The following SSC5D variants were observed in gnomAD, a reference collection of about 807,000 sequenced individuals.
SSC5D encodes scavenger receptor cysteine rich family member with 5 domains.
SSC5D carries 106 observed loss-of-function variants against 104.6 expected under a neutral mutation model. That is an observed-to-expected ratio of 1.01 (90% CI 0.87 to 1.19). The LOEUF is 1.19. Ranked by LOEUF, SSC5D falls within the 50% of genes most tolerant of loss-of-function variation. SSC5D has a pLI of 0.00. For missense variants in SSC5D, 1,993 were observed against 2,153.8 expected, an observed-to-expected ratio of 0.93 and a Z score of 1.48; for synonymous variants, 860 against 883.5, an observed-to-expected ratio of 0.97 and a Z score of 0.47.
intron 6 of SSC5D, 161 bp downstream of exon 6, chr19:55,491,241 C>A: frequency 1.3e-6 from 1 of 770,334 alleles, no homozygotes; most frequent in South Asian, 1.9e-5. Flanking sequence ...GCCCCTCCTT[C>A]CACAGCTCCT....
At chr19:55,510,130 T>A (rs1438340806) in intron 12 of SSC5D, among the ~76,000 whole-genome samples, 1 of 152,024 alleles carries the variant, frequency 6.6e-6, no homozygotes, top group Non-Finnish European at 1.5e-5. Flanking sequence ...CCCAGTTAAC[T>A]GGGACTACTG....
At position 55,493,896 on chromosome 19, in the gene SSC5D, C is replaced by T. The variant is rs549195112; in HGVS notation, c.1197C>T (p.Ala399=). 4.1e-6 allele frequency: 6 copies of T among 1,462,998 alleles called. No homozygotes were observed. Among genetic ancestry groups the T allele is most frequent in the African/African-American group, 1.5e-5 (1 of 68,792 alleles). The allele number at this position is 1,462,998 out of a possible 1,614,324, so 90.6% of individuals were successfully genotyped here. Residue 399 remains alanine, a synonymous_variant, in exon 7 of 14, where the codon GCC becomes GCT. Transcript: ENST00000389623. ...GQHDCHHRED[A]GAVCDGMPLG... ...ATGACTGTCACCACCGCGAGGACGC[C>T]GGGGCCGTGTGTGACGGTGAGGGGG...
rs901798974 is a variant in SSC5D, at chr19:55,489,887, C to T, written c.367C>T (p.Arg123Cys). ...TCCCTGCCCCCCCGCCGCAGGTCAG[C>T]GTGTGGCTAACTCCAGGGACGACTC... Reference protein sequence around the residue: ...EDAGVVCAGQRVANSRDDSTS... With the variant: ...EDAGVVCAGQCVANSRDDSTS... The change falls in exon 4 of 14, where the codon CGT becomes TGT. Residue 123 changes from arginine (R) to cysteine (C), a missense_variant. Transcript: ENST00000389623. 4.3e-5 allele frequency: 66 copies of T among 1,548,686 alleles called. No homozygotes were observed. The highest frequency in any genetic ancestry group is 5.1e-5 in the Non-Finnish European group (58 of 1,145,890).
At chr19:55,497,122 A>G (rs1470784619) in intron 8 of SSC5D, among the ~76,000 whole-genome samples, 1 of 152,178 alleles carries the variant, frequency 6.6e-6, no homozygotes, top group African/African-American at 2.4e-5. Context: ...CCTCAGGCAG[A>G]ATTTTTCTCA....
intron 8 of SSC5D, among the ~76,000 whole-genome samples, chr19:55,496,980 A>C (rs777423588): frequency 1.3e-5 from 2 of 152,152 alleles, no homozygotes; most frequent in Non-Finnish European, 2.9e-5. Context: ...GGCTGGTCTC[A>C]AACTCCTGAC....
At chr19:55,504,185 A>C (rs1221225852) in intron 12 of SSC5D, 11 of 1,534,902 alleles carry the variant, frequency 7.2e-6, no homozygotes, top group Non-Finnish European at 9.6e-6. Context: ...GCGCCTCCCT[A>C]GCCCATAGCG....
intron 12 of SSC5D, chr19:55,504,350 T>C: frequency 1.4e-6 from 2 of 1,401,738 alleles, no homozygotes; most frequent in Non-Finnish European, 1.9e-6. Context: ...AAGACAGCCA[T>C]GTGTGCCACC....
At position 55,518,128 on chromosome 19, in the gene SSC5D, C is replaced by T. The variant is rs1339973229; in HGVS notation, c.3852C>T (p.Thr1284=). 4 of 1,434,226 alleles carry T rather than the reference C, an allele frequency of 2.8e-6. No individual in the cohort carries two copies. The highest frequency in any genetic ancestry group is 2.3e-5 in the Admixed American group (1 of 44,088). 88.8% of individuals were successfully genotyped at this position (1,434,226 alleles called of 1,614,324 possible). ...MPHPTTTPHP[T]TTPHPTTTPH... is the part of the protein sequence containing the mutation. ...ATCCCACCACGACCCCTCACCCCAC[C>T]ACGACTCCTCACCCCACCACAACCC... Residue 1284 remains threonine (T), a synonymous_variant, in exon 14 of 14, where the codon ACC becomes ACT. Transcript: ENST00000389623.
At chr19:55,504,267 C>T (rs939709069) in intron 12 of SSC5D, 3 of 1,504,800 alleles carry the variant, frequency 2.0e-6, no homozygotes, top group African/African-American at 2.8e-5. Flanking sequence ...CCTCGGGACC[C>T]CTCCCGTAGG....
At chr19:55,492,677 G>A (rs920625097) in intron 6 of SSC5D, 1 of 152,134 alleles carries the variant, frequency 6.6e-6, no homozygotes, top group Non-Finnish European at 1.5e-5. Flanking sequence ...CTCGTTGGGG[G>A]ACAGAGAGAG....
At chr19:55,516,271 GC>G (rs1204497185) in intron 13 of SSC5D, among the ~76,000 whole-genome samples, 7 of 152,134 alleles carry the variant, frequency 4.6e-5, no homozygotes, top group Non-Finnish European at 8.8e-5. Context: ...GCCCAGGCGG[GC>G]GGATCACGAG....
chr19:55,495,233 A>ATATATATATATATATATATATATATAAT (rs1555765051), intron 8 of SSC5D, among the ~76,000 whole-genome samples: 1 of 50,664 alleles, frequency 2.0e-5, no homozygotes, highest in African/African-American at 9.8e-5. Flanking sequence ...ATATATATAT[A>ATATATATATATATATATATATATATAAT]TTTTTTTTTT....
chr19:55,494,785 T>C lies in SSC5D; in HGVS notation c.1387+2T>C. ...TTTGGGAGCCTGGACCGGAAGCCGG[T>C]GAGTCCCTCCATGCTCCCCAAGAAA... On this transcript the variant is annotated splice_donor_variant, in intron 8 of 13. Transcript: ENST00000389623. LOFTEE classifies it high-confidence loss of function. 1 of 1,540,774 alleles carries C rather than the reference T, an allele frequency of 6.5e-7. No homozygotes were observed. Among genetic ancestry groups the C allele is most frequent in the Non-Finnish European group, 8.8e-7 (1 of 1,140,560 alleles).
In SSC5D at chr19:55,490,351, C is replaced by A; in HGVS notation, c.529C>A (p.Pro177Thr). The change falls in exon 5 of 14, where the codon CCC becomes ACC. Residue 177 changes from proline to threonine, a missense_variant. By Grantham distance (38) the Pro-to-Thr change is conservative. Coordinates refer to ENST00000389623, the MANE Select transcript of SSC5D (RefSeq NM_001144950.2). ...QNASRKKSPR[P>T]KQAKSTRAPL... The stretch of plus-strand genomic sequence containing the variant: ...CGCCTCCCGGAAGAAGAGCCCCCGG[C>A]CCAAGCAGGCCAAGTCCACCCGGGC... 2 of 1,523,506 alleles carry A rather than the reference C, an allele frequency of 1.3e-6. No homozygotes were observed. Among genetic ancestry groups the A allele is most frequent in the Non-Finnish European group, 1.8e-6 (2 of 1,126,616 alleles). The allele number at this position is 1,523,506 out of a possible 1,614,324, so 94.4% of individuals were successfully genotyped here. A position where few individuals can be genotyped will look rare whatever the true frequency, so the allele number is the denominator to read the frequency against.
Position 55,500,569 on chromosome 19 carries a change from A to G in SSC5D, c.2382A>G (p.Gly794=). 1.3e-6 allele frequency: 2 copies of G among 1,551,670 alleles called. No individual in the cohort carries two copies. The highest frequency in any genetic ancestry group is 1.7e-6 in the Non-Finnish European group (2 of 1,146,974). Residue 794 remains glycine, a synonymous_variant, in exon 11 of 14, where the codon GGA becomes GGG. Transcript: ENST00000389623. The surrounding 1 kb of genome is among the most constrained non-coding windows in gnomAD (Gnocchi z 4.6). ...RLEVWHAGRW[G]TVCDDNWDLR... ...AAGTGTGGCATGCCGGACGCTGGGG[A>G]ACAGTGTGTGATGACAACTGGGACC...
Position 55,500,639 on chromosome 19 carries a change from G to T in SSC5D, c.2452G>T (p.Val818Phe), listed in dbSNP as rs1045805523. 3.9e-6 allele frequency: 6 copies of T among 1,551,784 alleles called. No individual in the cohort carries two copies. The highest frequency in any genetic ancestry group is 2.7e-5 in the African/African-American group (2 of 73,178). The change falls in exon 11 of 14, where the codon GTC becomes TTC. Residue 818 changes from valine to phenylalanine, a missense_variant. Val to Phe is a conservative substitution (Grantham distance 50). This residue lies in a region of SSC5D where 70 missense variants were observed against 107.1 expected (regional missense o/e 0.65). Coordinates refer to ENST00000389623, the MANE Select transcript of SSC5D (RefSeq NM_001144950.2). This position sits in a 1 kb window ranked among gnomAD's most constrained non-coding sequence, Gnocchi z 4.6. ...CTGCTGGGAACTGGGCTGTGGAAAG[G>T]TCCGGCCTCGAGTAGGCAAAACCCA... ...VACWELGCGK[V>F]RPRVGKTHYG...
intron 12 of SSC5D, chr19:55,504,022 G>C (rs118077242): frequency 1.6e-6 from 2 of 1,243,778 alleles, no homozygotes; most frequent in South Asian, 2.8e-5. Context: ...GCCTTGAGGT[G>C]GGGAAAGGGA....
intron 2 of SSC5D, 158 bp downstream of exon 2, chr19:55,489,190 C>T (rs1356949055): frequency 3.0e-6 from 3 of 993,534 alleles, no homozygotes; most frequent in African/African-American, 1.7e-5. Flanking sequence ...AGGTGTCTGG[C>T]CGCATCTCTC....
chr19:55,499,502 C>G (rs1987412858), intron 9 of SSC5D, among the ~76,000 whole-genome samples: 1 of 152,080 alleles, frequency 6.6e-6, no homozygotes, highest in Admixed American at 6.6e-5. Context: ...GGAAATGAGG[C>G]CCTGACTCAG....
Sources: gnomAD v4.1 joint callset for allele counts (sites outside exome capture counted in the v4.1 genomes callset) on GRCh38, gnomAD v4.1.1 for gene constraint, gnomAD v4.1.1 regional missense constraint, Gnocchi (gnomAD v3.1) non-coding constraint, MANE v1.5 for transcripts, NCBI Gene and HGNC (gene_info 2026-07-23, HGNC 2026-07-21) for gene names.